The following GLYCTK variants were observed in gnomAD, a reference collection of about 807,000 sequenced individuals.
GLYCTK encodes HBeAg binding protein 4.
In GLYCTK, 22 loss-of-function variants were observed where a neutral mutation model predicts 24.8. The ratio of observed to expected loss-of-function variants is 0.89; its 90% CI spans 0.63 to 1.27. GLYCTK has a LOEUF of 1.27. GLYCTK is among the 50% of genes most tolerant of loss of function. GLYCTK has a pLI of 0.00. For synonymous variants in GLYCTK, 320 were observed against 297.2 expected (o/e 1.08, Z -0.79); for missense variants, 684 against 686.7 (o/e 1.00, Z 0.04).
rs903526371 is a variant in GLYCTK at position 52,294,229 on chromosome 3, G to A, written c.*1103G>A. On this transcript the variant is annotated 3_prime_UTR_variant, in exon 5 of 5. Coordinates refer to ENST00000436784, the MANE Select transcript of GLYCTK (RefSeq NM_145262.4). Reference sequence around the variant, plus strand: ...GAACCCTCCGCTGGCTGTCCCCGCCGTGCGCCACGGCTCCAATCCCTATAT... The same window carrying A: ...GAACCCTCCGCTGGCTGTCCCCGCCATGCGCCACGGCTCCAATCCCTATAT... 2.1e-5 allele frequency: 11 copies of A among 534,608 alleles called. No individual in the cohort carries two copies. The highest frequency in any genetic ancestry group is 3.8e-5 in the African/African-American group (2 of 51,968). 33.1% of individuals were successfully genotyped at this position (534,608 alleles called of 1,614,324 possible). A position where few individuals can be genotyped will look rare whatever the true frequency, so the allele number is the denominator to read the frequency against.
chr3:52,292,215 G>T (rs763382716), intron 4 of GLYCTK, 45 bp from the exon 5 acceptor site: 2 of 1,611,968 alleles, frequency 1.2e-6, no homozygotes, highest in Non-Finnish European at 1.7e-6. Flanking sequence ...GGCTCTGAGG[G>T]GAGGAGGAAG....
At chr3:52,292,235 G>A in intron 4 of GLYCTK, 25 bp from the exon 5 acceptor site, 1 of 1,613,514 alleles carries the variant, frequency 6.2e-7, no homozygotes, top group Non-Finnish European at 8.5e-7. Context: ...GTGGGCCTGA[G>A]CCTTGTCTGG....
Position 52,291,754 on chromosome 3 carries a change from T to C in GLYCTK, c.537T>C (p.Gly179=), listed in dbSNP as rs758904870. ...DLLLVLISGG[G]SALLPAPIPP... The stretch of plus-strand genomic sequence containing the variant: ...CCCTCATTGTCTTGAGAGGTGGGGG[T>C]TCAGCTCTGCTGCCTGCCCCCATCC... Residue 179 remains glycine (G), a synonymous_variant, in exon 4 of 5, where the codon GGT becomes GGC. Coordinates refer to ENST00000436784, the MANE Select transcript of GLYCTK (RefSeq NM_145262.4). 3.7e-6 allele frequency: 6 copies of C among 1,613,132 alleles called. No individual in the cohort carries two copies. The African/African-American group carries it at 6.7e-5, about 18-fold the overall frequency.
intron 4 of GLYCTK, 121 bp from the exon 5 acceptor site, chr3:52,292,139 T>C (rs534977554): frequency 2.9e-6 from 4 of 1,378,168 alleles, no homozygotes; most frequent in Non-Finnish European, 4.0e-6. Context: ...GAGTTAACCA[T>C]GGGTAAGGAA....
At position 52,292,093 on chromosome 3, in the gene GLYCTK, C is replaced by T. The variant is rs537420710; in HGVS notation, c.706-167C>T. ...GGTGCCAGAGACGGGGAGGAGGTGC[C>T]TGCATGACCAGGTGTTTTGCAAGCC... is the stretch of plus-strand genomic sequence containing the variant. On this transcript the variant is annotated intron_variant, in intron 4 of 4. Coordinates refer to ENST00000436784, the MANE Select transcript of GLYCTK (RefSeq NM_145262.4). Among the ~76,000 whole-genome samples the T allele has an allele frequency of 2.0e-5, 3 of 152,284 alleles. No individual in the cohort carries two copies. In the East Asian group the frequency reaches 5.8e-4, roughly 29 times the overall value.
rs1385288078 is a variant in GLYCTK at position 52,293,584 on chromosome 3, C to T, written c.*458C>T. 1 of 457,810 alleles carries T rather than the reference C, an allele frequency of 2.2e-6. No individual in the cohort carries two copies. The highest frequency in any genetic ancestry group is 2.0e-5 in the African/African-American group (1 of 50,164). The allele number at this position is 457,810 out of a possible 1,614,324, so 28.4% of individuals were successfully genotyped here. A position where few individuals can be genotyped will look rare whatever the true frequency, so the allele number is the denominator to read the frequency against. ...AGGGCCTGGCAGGACTCTTAACACC[C>T]CTCTACTGGGCTGGGTACGTGCAGG... On this transcript the variant is annotated 3_prime_UTR_variant, in exon 5 of 5. Coordinates refer to ENST00000436784, the MANE Select transcript of GLYCTK (RefSeq NM_145262.4).
chr3:52,294,905 G>A lies in GLYCTK; in HGVS notation c.*1779G>A, dbSNP rs532030673. 121 of 454,092 alleles carry A rather than the reference G, an allele frequency of 2.7e-4. 1 individual carries two copies. The highest frequency in any genetic ancestry group is 6.9e-4 in the Middle Eastern group (1 of 1,444). The allele number at this position is 454,092 out of a possible 1,614,324, so 28.1% of individuals were successfully genotyped here. ...GTTGGTGTTGGCGTACTCAGAGTGG[G>A]AATGCATCTCTGAGTGTACACATAG... On this transcript the variant is annotated 3_prime_UTR_variant, in exon 5 of 5. Coordinates refer to ENST00000436784, the MANE Select transcript of GLYCTK (RefSeq NM_145262.4).
chr3:52,293,458 A>C lies in GLYCTK; in HGVS notation c.*332A>C. 2 of 539,820 alleles carry C rather than the reference A, an allele frequency of 3.7e-6. No individual in the cohort carries two copies. Among genetic ancestry groups the C allele is most frequent in the South Asian group, 1.5e-5 (1 of 65,328 alleles). 33.4% of individuals were successfully genotyped at this position (539,820 alleles called of 1,614,324 possible). ...GTGAAGCGAGAATGTCTGAAAATAA[A>C]TAGGACCATGCCATGGGTTCTCAGT... On this transcript the variant is annotated 3_prime_UTR_variant, in exon 5 of 5. Transcript: ENST00000436784.
In GLYCTK at chr3:52,294,956, C is replaced by A. The variant is rs779758789; in HGVS notation, c.*1830C>A. ...ATACTTAGTACAGGGCACATGACTC[C>A]CTGCATCCCTGCTGAGGGCTTTGGG... On this transcript the variant is annotated 3_prime_UTR_variant, in exon 5 of 5. Coordinates refer to ENST00000436784, the MANE Select transcript of GLYCTK (RefSeq NM_145262.4). 11 of 453,934 alleles carry A rather than the reference C, an allele frequency of 2.4e-5. No individual in the cohort carries two copies. The East Asian group carries it at 7.0e-4, about 29-fold the overall frequency. 28.1% of individuals were successfully genotyped at this position (453,934 alleles called of 1,614,324 possible).
chr3:52,290,834 G>A, intron 2 of GLYCTK, 115 bp downstream of exon 2: 7 of 1,585,118 alleles, frequency 4.4e-6, no homozygotes, highest in Non-Finnish European at 6.0e-6. Flanking sequence ...CCTGGATCTG[G>A]CCTGGCCCCA....
At chr3:52,291,658 C>G in intron 3 of GLYCTK, 89 bp from the exon 4 acceptor site, 2 of 1,304,034 alleles carry the variant, frequency 1.5e-6, no homozygotes, top group Non-Finnish European at 2.2e-6. Context: ...TTCCAGCCCC[C>G]TTTTTCTAAT....
intron 4 of GLYCTK, 100 bp downstream of exon 4, chr3:52,292,022 C>A: frequency 7.6e-7 from 1 of 1,311,982 alleles, no homozygotes; most frequent in Non-Finnish European, 1.1e-6. Context: ...TTGGCAGGGG[C>A]ATGGTGTGAA....
chr3:52,289,994 A>T, intron 1 of GLYCTK: 1 of 360,866 alleles, frequency 2.8e-6, no homozygotes, highest in East Asian at 5.1e-5. Context: ...TCAATGATTA[A>T]CTCCCAGCCA....
chr3:52,292,424 G>A lies in GLYCTK; in HGVS notation c.870G>A (p.Arg290=), dbSNP rs751207048. The A allele has an allele frequency of 5.0e-6, 8 of 1,613,504 alleles. No homozygotes were observed. In the Admixed American group the frequency reaches 1.3e-4, roughly 27 times the overall value. ...LPRSVKTVLS[R]ADSDPHGPHT... is the part of the protein sequence containing the mutation. ...GTTCTGTGAAGACTGTGCTGTCTCG[G>A]GCCGACTCTGACCCCCATGGGCCAC... Residue 290 remains arginine (R), a synonymous_variant, in exon 5 of 5, where the codon CGG becomes CGA. Transcript: ENST00000436784.
intron 1 of GLYCTK, 153 bp downstream of exon 1, chr3:52,288,029 G>A (rs762364289): frequency 4.4e-5 from 13 of 292,586 alleles, no homozygotes; most frequent in Non-Finnish European, 8.6e-5. Flanking sequence ...TTAGGATGAC[G>A]TCACTTCCGG....
intron 1 of GLYCTK, 91 bp downstream of exon 1, chr3:52,287,967 C>T: frequency 2.7e-6 from 1 of 368,798 alleles, no homozygotes; most frequent in South Asian, 1.8e-5. Flanking sequence ...GCCCTTCTTT[C>T]TCGCATCACC....
At chr3:52,292,227 G>A (rs774990271) in intron 4 of GLYCTK, 33 bp from the exon 5 acceptor site, 1 of 1,612,978 alleles carries the variant, frequency 6.2e-7, no homozygotes, top group South Asian at 1.1e-5. Context: ...AGGAGGAAGT[G>A]GGCCTGAGCC....
Position 52,290,363 on chromosome 3 carries a change from C to T in GLYCTK, c.21C>T (p.Val7=), listed in dbSNP as rs3796344. Residue 7 remains valine, a synonymous_variant, in exon 2 of 5, where the codon GTC becomes GTT. Coordinates refer to ENST00000436784, the MANE Select transcript of GLYCTK (RefSeq NM_145262.4). ...GGGGCATGGCTGCAGCCCTGCAGGT[C>T]CTGCCCCGCTTGGCCCGAGCCCCCT... MAAALQ[V]LPRLARAPLH... 414 of 1,599,298 alleles carry T rather than the reference C, an allele frequency of 2.6e-4. 1 individual carries two copies. In the East Asian group the frequency reaches 6.3e-3, roughly 24 times the overall value.
In GLYCTK at chr3:52,294,989, A is replaced by G. The variant is rs1178928251; in HGVS notation, c.*1863A>G. 2.2e-6 allele frequency: 1 copy of G among 454,072 alleles called. No homozygotes were observed. The highest frequency in any genetic ancestry group is 4.4e-6 in the Non-Finnish European group (1 of 226,774). The allele number at this position is 454,072 out of a possible 1,614,324, so 28.1% of individuals were successfully genotyped here. A position where few individuals can be genotyped will look rare whatever the true frequency, so the allele number is the denominator to read the frequency against. On this transcript the variant is annotated 3_prime_UTR_variant, in exon 5 of 5. Coordinates refer to ENST00000436784, the MANE Select transcript of GLYCTK (RefSeq NM_145262.4). ...CCTGCTGAGGGCTTTGGGTATGGAT[A>G]GGATCTTGCAGGAGGTTCCCCCTGC...
Sources: allele counts gnomAD v4.1 joint callset (sites outside exome capture counted in the v4.1 genomes callset), GRCh38; gene constraint gnomAD v4.1.1; transcripts MANE v1.5; gene names NCBI Gene and HGNC (gene_info 2026-07-23, HGNC 2026-07-21).